Variants in PKHD1L1 observed in about 807,000 individuals in gnomAD.
PKHD1L1 encodes fibrocystin-L.
In PKHD1L1, 434 loss-of-function variants were observed where a neutral mutation model predicts 462.9. The ratio of observed to expected loss-of-function variants is 0.94; its 90% CI spans 0.87 to 1.02. The LOEUF (loss-of-function observed/expected upper bound fraction) is 1.02. PKHD1L1 is among the 50% of genes least tolerant of loss of function. The probability of loss-of-function intolerance (pLI) is 0.00; values close to 1 mark genes in which losing one functional copy is unlikely to be tolerated. For synonymous variants in PKHD1L1, 1,781 were observed against 1,750.0 expected, an observed-to-expected ratio of 1.02 and a Z score of -0.44; for missense variants, 5,202 against 5,096.1, an observed-to-expected ratio of 1.02 and a Z score of -0.63.
chr8:109,447,082 G>C (rs766719750), intron 38 of PKHD1L1, among the ~76,000 whole-genome samples: 1 of 152,028 alleles, frequency 6.6e-6, no homozygotes, highest in African/African-American at 2.4e-5. Flanking sequence ...AATTAGCCAG[G>C]CATGGCGGCA....
At chr8:109,455,451 C>T (rs1393325995) in intron 45 of PKHD1L1, among the ~76,000 whole-genome samples, 1 of 152,200 alleles carries the variant, frequency 6.6e-6, no homozygotes, top group East Asian at 1.9e-4. Flanking sequence ...TCCCCTTTTC[C>T]ATGAGCCTCC....
intron 16 of PKHD1L1, among the ~76,000 whole-genome samples, chr8:109,405,881 A>G (rs921028273): frequency 1.3e-5 from 2 of 152,210 alleles, no homozygotes; most frequent in Admixed American, 6.5e-5. Flanking sequence ...AAAAGGAATT[A>G]AATTCATCAT....
chr8:109,486,971 C>G, intron 59 of PKHD1L1, 150 bp downstream of exon 59: 1 of 736,278 alleles, frequency 1.4e-6, no homozygotes, highest in Non-Finnish European at 2.1e-6. Flanking sequence ...TTTTTACCTT[C>G]CAAGTAAATT....
At chr8:109,382,661 T>A in intron 4 of PKHD1L1, 90 bp downstream of exon 4, 1 of 885,916 alleles carries the variant, frequency 1.1e-6, no homozygotes, top group Non-Finnish European at 1.7e-6. Context: ...TTTTATAGAC[T>A]ATTTCCACAT....
In PKHD1L1 at chr8:109,464,378, AATATT is replaced by A; in HGVS notation, c.7551_7555del (p.Ile2518Ter). The A allele has an allele frequency of 3.1e-6, 5 of 1,613,392 alleles. No homozygotes were observed. The highest frequency in any genetic ancestry group is 4.2e-6 in the Non-Finnish European group (5 of 1,179,618). Reference sequence around the variant, plus strand: ...CACACACCATCTTCTGGTTGAGAGGAATATTATATATGATATTAAGGGAGGAGCAT... The same window carrying A: ...CACACACCATCTTCTGGTTGAGAGGAATATATGATATTAAGGGAGGAGCAT... On this transcript the variant is annotated frameshift_variant, in exon 49 of 78. Coordinates refer to ENST00000378402, the MANE Select transcript of PKHD1L1 (RefSeq NM_177531.6). LOFTEE classifies it high-confidence loss of function.
At chr8:109,394,039 T>C (rs1254896739) in intron 9 of PKHD1L1, among the ~76,000 whole-genome samples, 3 of 151,762 alleles carry the variant, frequency 2.0e-5, no homozygotes, top group Non-Finnish European at 4.4e-5. Context: ...CTGGGCATGG[T>C]GGCATGCGCC....
At chr8:109,494,439 GGTT>G (rs1818989290) in intron 63 of PKHD1L1, among the ~76,000 whole-genome samples, 1 of 151,860 alleles carries the variant, frequency 6.6e-6, no homozygotes, top group Non-Finnish European at 1.5e-5. Flanking sequence ...CTATGAACAA[GGTT>G]ATTCATCACA....
intron 15 of PKHD1L1, 103 bp downstream of exon 15, chr8:109,404,816 G>C (rs1418891493): frequency 1.6e-6 from 2 of 1,240,622 alleles, no homozygotes; most frequent in Non-Finnish European, 2.2e-6. Flanking sequence ...TTAGGTGAAA[G>C]CAGTCATGGA....
At chr8:109,514,405 A>G (rs780843808) in intron 71 of PKHD1L1, among the ~76,000 whole-genome samples, 21 of 152,164 alleles carry the variant, frequency 1.4e-4, no homozygotes, top group Non-Finnish European at 2.6e-4. Flanking sequence ...ATATAAGCTC[A>G]GAGAAGCCAG....
intron 50 of PKHD1L1, chr8:109,470,342 G>C: frequency 6.5e-7 from 1 of 1,535,862 alleles, no homozygotes; most frequent in Non-Finnish European, 9.0e-7. Flanking sequence ...TGGAGAGAGA[G>C]TGAAGTTAAC....
intron 35 of PKHD1L1, 62 bp downstream of exon 35, chr8:109,442,257 A>C: frequency 7.0e-7 from 1 of 1,437,728 alleles, no homozygotes; most frequent in South Asian, 1.4e-5. Flanking sequence ...ATAAAATGAC[A>C]TTTTGTGTAG....
intron 23 of PKHD1L1, among the ~76,000 whole-genome samples, chr8:109,423,165 T>A (rs1282066788): frequency 6.6e-6 from 1 of 152,140 alleles, no homozygotes; most frequent in East Asian, 1.9e-4. Context: ...TTATCACTTT[T>A]TTTTTTCTTT....
intron 62 of PKHD1L1, among the ~76,000 whole-genome samples, chr8:109,492,840 C>T (rs933765392): frequency 1.8e-4 from 27 of 151,688 alleles, no homozygotes; most frequent in Non-Finnish European, 3.1e-4. Flanking sequence ...TAGGGAAGAA[C>T]GAAATGTGTG....
chr8:109,393,737 C>T (rs1016071578), intron 9 of PKHD1L1, among the ~76,000 whole-genome samples: 2 of 152,106 alleles, frequency 1.3e-5, no homozygotes, highest in Non-Finnish European at 2.9e-5. Context: ...ACGGCATAAT[C>T]AATTGAAAGT....
intron 68 of PKHD1L1, among the ~76,000 whole-genome samples, chr8:109,505,113 C>T (rs1306646138): frequency 6.6e-6 from 1 of 152,056 alleles, no homozygotes; most frequent in Non-Finnish European, 1.5e-5. Flanking sequence ...TGGTCTTGAA[C>T]TCCTGGCCTC....
intron 63 of PKHD1L1, among the ~76,000 whole-genome samples, chr8:109,496,163 G>T (rs1036647807): frequency 6.6e-6 from 1 of 152,166 alleles, no homozygotes. Context: ...TAGGCTCCAA[G>T]AAATGATGGT....
At position 109,438,982 on chromosome 8, in the gene PKHD1L1, C is replaced by T. The variant is rs751367287; in HGVS notation, c.3846C>T (p.Cys1282=). The change falls in exon 32 of 78, where the codon TGC becomes TGT. Residue 1282 remains cysteine, a synonymous_variant. Transcript: ENST00000378402. ...CGGTGTATGTTGGAGGAAAAACCTG[C>T]CAGATTCTTCACTGGAACTTCACAG... is the stretch of plus-strand genomic sequence containing the variant. ...NMAVYVGGKT[C]QILHWNFTDI... 3 of 1,613,582 alleles carry T rather than the reference C, an allele frequency of 1.9e-6. No individual in the cohort carries two copies. In the South Asian group the frequency reaches 3.3e-5, roughly 18 times the overall value.
At chr8:109,431,631 T>A (rs1426740224) in intron 27 of PKHD1L1, among the ~76,000 whole-genome samples, 1 of 152,188 alleles carries the variant, frequency 6.6e-6, no homozygotes, top group Non-Finnish European at 1.5e-5. Context: ...TCATTCAGAA[T>A]TCATTTTGAG....
At chr8:109,426,678 C>A (rs917343659) in intron 24 of PKHD1L1, among the ~76,000 whole-genome samples, 1 of 151,736 alleles carries the variant, frequency 6.6e-6, no homozygotes, top group African/African-American at 2.4e-5. Flanking sequence ...TTTTTTGAGA[C>A]GGAGTCTCGC....
Sources: gnomAD v4.1 joint callset for allele counts (sites outside exome capture counted in the v4.1 genomes callset) on GRCh38, gnomAD v4.1.1 for gene constraint, MANE v1.5 for transcripts, NCBI Gene and HGNC (gene_info 2026-07-23, HGNC 2026-07-21) for gene names.